NAV3: variants seen among roughly 807,000 people sequenced by gnomAD.
The protein encoded by NAV3 is neuron navigator 3.
A neutral mutation model predicts 244.7 loss-of-function variants in NAV3; 87 were observed. That is an observed-to-expected ratio of 0.36 (90% CI 0.30 to 0.42). The LOEUF (loss-of-function observed/expected upper bound fraction) is 0.42. Among genes scored for constraint, NAV3 ranks in the 20% least tolerant of loss-of-function variants. The pLI is 1.00. For synonymous variants in NAV3, 1,126 were observed against 1,042.2 expected, an observed-to-expected ratio of 1.08 and a Z score of -1.55; for missense variants, 2,663 against 2,893.3, an observed-to-expected ratio of 0.92 and a Z score of 1.83.
intron 18 of NAV3, among the ~76,000 whole-genome samples, chr12:78,135,345 G>C (rs1956328369): frequency 6.6e-6 from 1 of 152,158 alleles, no homozygotes; most frequent in Non-Finnish European, 1.5e-5. Context: ...ATAGTTAGGT[G>C]TAATTTCCAA....
At chr12:77,880,977 A>G (rs1592880210) in intron 1 of NAV3, among the ~76,000 whole-genome samples, 1 of 152,132 alleles carries the variant, frequency 6.6e-6, no homozygotes, top group South Asian at 2.1e-4. Flanking sequence ...TTTTGAATTG[A>G]GGTCTTGCTA....
At chr12:78,203,499 C>T (rs957254165) in intron 38 of NAV3, among the ~76,000 whole-genome samples, 1 of 152,034 alleles carries the variant, frequency 6.6e-6, no homozygotes, top group Non-Finnish European at 1.5e-5. Flanking sequence ...TAAGGAAATG[C>T]ACAGATATCA....
At chr12:78,189,855 T>C (rs1958895719) in intron 33 of NAV3, 129 bp from the exon 34 acceptor site, 4 of 668,324 alleles carry the variant, frequency 6.0e-6, no homozygotes, top group Admixed American at 2.9e-5. Context: ...GGGATAGAAA[T>C]ATCTAGGAAA....
At chr12:78,008,171 G>T (rs1874572761) in intron 8 of NAV3, among the ~76,000 whole-genome samples, 1 of 151,376 alleles carries the variant, frequency 6.6e-6, no homozygotes, top group South Asian at 2.1e-4. Context: ...TAGGTAAAAG[G>T]GGTTACATAT....
chr12:77,774,076 A>T (rs1156595162), intron 2 of NAV3, among the ~76,000 whole-genome samples: 1 of 152,208 alleles, frequency 6.6e-6, no homozygotes, highest in Non-Finnish European at 1.5e-5. Flanking sequence ...CATTAATACT[A>T]CTGAGATAAT....
intron 1 of NAV3, among the ~76,000 whole-genome samples, chr12:77,833,836 G>T (rs1037758814): frequency 1.3e-5 from 2 of 152,096 alleles, no homozygotes; most frequent in African/African-American, 4.8e-5. Context: ...GAGTTGGGCC[G>T]CCCAGCAGCC....
chr12:78,069,977 G>T (rs1593460583), intron 12 of NAV3, among the ~76,000 whole-genome samples: 1 of 151,982 alleles, frequency 6.6e-6, no homozygotes, highest in Non-Finnish European at 1.5e-5. Context: ...TTTTCCTGCT[G>T]ACAAGATAGA....
At chr12:78,106,279 A>G (rs997172606) in intron 12 of NAV3, among the ~76,000 whole-genome samples, 9 of 152,292 alleles carry the variant, frequency 5.9e-5, no homozygotes, top group African/African-American at 2.2e-4. Context: ...ATCTACTAAC[A>G]AAAACTATTT....
intron 24 of NAV3, among the ~76,000 whole-genome samples, chr12:78,175,105 T>C (rs1201985230): frequency 6.6e-6 from 1 of 152,004 alleles, no homozygotes; most frequent in Non-Finnish European, 1.5e-5. Context: ...TCTCATTAAA[T>C]CTTAATGTAG....
intron 30 of NAV3, among the ~76,000 whole-genome samples, chr12:78,183,306 C>G (rs1319438131): frequency 6.6e-6 from 1 of 151,938 alleles, no homozygotes; most frequent in Non-Finnish European, 1.5e-5. Context: ...GTGAGCCACC[C>G]ACAGTCAACA....
At chr12:77,828,246 T>C (rs1303751799), upstream of NAV3, among the ~76,000 whole-genome samples, 1 of 152,178 alleles carries the variant, frequency 6.6e-6, no homozygotes, top group Non-Finnish European at 1.5e-5. Flanking sequence ...ATATGAGTGC[T>C]CTCTTGCTCT....
chr12:77,936,941 A>G (rs1332140076), intron 1 of NAV3, among the ~76,000 whole-genome samples: 1 of 152,148 alleles, frequency 6.6e-6, no homozygotes, highest in Non-Finnish European at 1.5e-5. Flanking sequence ...TGAAAGAGAG[A>G]AGTATGTTTG....
At chr12:78,128,276 A>AC (rs1421090953) in intron 17 of NAV3, among the ~76,000 whole-genome samples, 4 of 151,432 alleles carry the variant, frequency 2.6e-5, no homozygotes, top group Non-Finnish European at 5.9e-5. Flanking sequence ...TTAAAAAAAA[A>AC]AAAAAACAAA....
intron 3 of NAV3, among the ~76,000 whole-genome samples, chr12:77,959,761 A>T (rs2137805891): frequency 6.6e-6 from 1 of 151,630 alleles, no homozygotes; most frequent in African/African-American, 2.4e-5. Context: ...TGGACTATTG[A>T]TTTTTCTAAA....
At chr12:78,103,325 G>A (rs1410612912) in intron 12 of NAV3, among the ~76,000 whole-genome samples, 1 of 152,068 alleles carries the variant, frequency 6.6e-6, no homozygotes, top group African/African-American at 2.4e-5. Context: ...CCAGTTCTCA[G>A]CAAGTTCCTC....
At chr12:77,689,477 G>A (rs1874907316) in intron 2 of NAV3, among the ~76,000 whole-genome samples, 2 of 151,884 alleles carry the variant, frequency 1.3e-5, no homozygotes, top group Non-Finnish European at 2.9e-5. Context: ...ATTTCTCTAG[G>A]CAGTGGCTTT....
chr12:78,066,021 G>A (rs1037384668), intron 12 of NAV3, among the ~76,000 whole-genome samples: 2 of 152,222 alleles, frequency 1.3e-5, no homozygotes, highest in East Asian at 1.9e-4. Flanking sequence ...ATATTTGGAG[G>A]TAAGGTCTTT....
intron 2 of NAV3, among the ~76,000 whole-genome samples, chr12:77,726,601 A>T (rs1380587083): frequency 1.3e-5 from 2 of 151,928 alleles, no homozygotes; most frequent in African/African-American, 4.8e-5. Context: ...TATTTCTTCA[A>T]TGGAGAGTCA....
Position 78,050,043 on chromosome 12 carries a change from T to A in NAV3, c.2074T>A (p.Leu692Met), listed in dbSNP as rs918913417. ...GAGAACAGTTAAAAACATAGCAGACTTGAGGCAGAATTTAGAAGAGACTAT... is the reference window on the plus strand; with the variant it reads ...GAGAACAGTTAAAAACATAGCAGACATGAGGCAGAATTTAGAAGAGACTAT... ...RMRTVKNIAD[L>M]RQNLEETMSS... Residue 692 changes from leucine (L) to methionine (M), a missense_variant, in exon 10 of 40, where the codon TTG becomes ATG. This residue lies in a region of NAV3 where 1,521 missense variants were observed against 1,497.0 expected (regional missense o/e 1.02). Coordinates refer to ENST00000397909, the MANE Select transcript of NAV3 (RefSeq NM_001024383.2). 5.0e-6 allele frequency: 8 copies of A among 1,613,194 alleles called. No individual in the cohort carries two copies. In the Admixed American group the frequency reaches 6.7e-5, roughly 13 times the overall value.
Sources: allele counts gnomAD v4.1 joint callset (sites outside exome capture counted in the v4.1 genomes callset), GRCh38; gene constraint gnomAD v4.1.1; regional missense constraint gnomAD v4.1.1; transcripts MANE v1.5; gene names NCBI Gene and HGNC (gene_info 2026-07-23, HGNC 2026-07-21).